GFPT2: variants seen among roughly 807,000 people sequenced by gnomAD.
GFPT2 encodes glutamine--fructose-6-phosphate aminotransferase [isomerizing] 2.
GFPT2 carries 62 observed loss-of-function variants against 85.6 expected under a neutral mutation model. That is an observed-to-expected ratio of 0.72 (90% CI 0.59 to 0.90). The LOEUF (loss-of-function observed/expected upper bound fraction) is 0.90. Among genes scored for constraint, GFPT2 ranks in the 40% least tolerant of loss-of-function variants. GFPT2 has a pLI of 0.00. For missense variants in GFPT2, 788 were observed against 893.4 expected (o/e 0.88, Z 1.50); for synonymous variants, 368 against 344.5 (o/e 1.07, Z -0.75).
intron 1 of GFPT2, among the ~76,000 whole-genome samples, chr5:180,346,198 G>A (rs1316766022): frequency 2.0e-5 from 3 of 152,078 alleles, no homozygotes; most frequent in East Asian, 1.9e-4. Context: ...AGATGGCATC[G>A]GAGGCTCCAC....
Position 180,302,513 on chromosome 5 carries a change from C to A in GFPT2, c.1914G>T (p.Leu638=), listed in dbSNP as rs746637941. The A allele has an allele frequency of 1.2e-6, 2 of 1,613,984 alleles. No individual in the cohort carries two copies. Among genetic ancestry groups the A allele is most frequent in the South Asian group, 2.2e-5 (2 of 91,074 alleles). Residue 638 remains leucine (L), a synonymous_variant, in exon 18 of 19, where the codon CTG becomes CTT. Transcript: ENST00000253778. ...SSKFAYKTIE[L]PHTVDCLQGI... Reference sequence around the variant, plus strand: ...CCTGGAGGCAGTCCACAGTGTGGGGCAGCTCAATTGTCTTATACGCAAACT... The same window carrying A: ...CCTGGAGGCAGTCCACAGTGTGGGGAAGCTCAATTGTCTTATACGCAAACT...
intron 4 of GFPT2, 180 bp from the exon 5 acceptor site, chr5:180,331,733 G>C (rs1764304631): frequency 1.6e-6 from 1 of 633,018 alleles, no homozygotes; most frequent in East Asian, 2.9e-5. Context: ...GTGGAACCAG[G>C]GATTAGCACC....
At chr5:180,302,380 T>A in intron 18 of GFPT2, 43 bp downstream of exon 18, 1 of 1,497,836 alleles carries the variant, frequency 6.7e-7, no homozygotes, top group Non-Finnish European at 9.2e-7. Context: ...ACTCTGGGGT[T>A]ATGTCTCTCC....
chr5:180,342,718 G>A (rs1430759306), intron 1 of GFPT2, among the ~76,000 whole-genome samples: 1 of 152,096 alleles, frequency 6.6e-6, no homozygotes, highest in Non-Finnish European at 1.5e-5. Context: ...TAGCCAACAT[G>A]GTGAAACCCT....
intron 15 of GFPT2, among the ~76,000 whole-genome samples, chr5:180,311,852 A>T (rs779836972): frequency 1.4e-4 from 22 of 152,146 alleles, no homozygotes; most frequent in Admixed American, 3.9e-4. Context: ...TTGGGAGATG[A>T]GAAGCTGTCG....
chr5:180,309,941 G>C (rs1226755641), intron 15 of GFPT2, among the ~76,000 whole-genome samples: 3 of 151,390 alleles, frequency 2.0e-5, no homozygotes, highest in Admixed American at 1.3e-4. Context: ...CCCCCGAGTA[G>C]CTGGGACTAC....
In GFPT2 at chr5:180,304,930, C is replaced by CT; in HGVS notation, c.1683dup (p.Glu562ArgfsTer24). 1 of 1,605,758 alleles carries CT rather than the reference C, an allele frequency of 6.2e-7. No individual in the cohort carries two copies. The highest frequency in any genetic ancestry group is 8.5e-7 in the Non-Finnish European group (1 of 1,172,976). ...CCTTCTGAGTGCATGTAGGTTATCT[C>CT]TTTAATTTTCTGGAAACAGGAGGTG... On this transcript the variant is annotated frameshift_variant, in exon 17 of 19. Coordinates refer to ENST00000253778, the MANE Select transcript of GFPT2 (RefSeq NM_005110.4). LOFTEE classifies it high-confidence loss of function.
In GFPT2 at chr5:180,316,218, C is replaced by T. The variant is rs143752144; in HGVS notation, c.1273+123G>A. 5,721 of 943,284 alleles carry T rather than the reference C, an allele frequency of 6.1e-3. 115 individuals carry two copies. Among genetic ancestry groups the T allele is most frequent in the East Asian group, 0.049 (1,929 of 39,392 alleles). 58.4% of individuals were successfully genotyped at this position (943,284 alleles called of 1,614,324 possible). A position where few individuals can be genotyped will look rare whatever the true frequency, so the allele number is the denominator to read the frequency against. On this transcript the variant is annotated intron_variant, in intron 13 of 18. Coordinates refer to ENST00000253778, the MANE Select transcript of GFPT2 (RefSeq NM_005110.4). Reference sequence around the variant, plus strand: ...TCCATGGCTCTACGGGTTAAATGACCGCTGCAAGAGAGGGTTCGCAGCACA... The same window carrying T: ...TCCATGGCTCTACGGGTTAAATGACTGCTGCAAGAGAGGGTTCGCAGCACA...
intron 12 of GFPT2, 47 bp downstream of exon 12, chr5:180,316,717 G>A (rs762614239): frequency 3.7e-6 from 5 of 1,340,320 alleles, no homozygotes; most frequent in African/African-American, 2.9e-5. Context: ...GCCAGTGTCT[G>A]GTCCTAGACT....
At chr5:180,329,120 C>A (rs544433872) in intron 6 of GFPT2, among the ~76,000 whole-genome samples, 2 of 152,202 alleles carry the variant, frequency 1.3e-5, no homozygotes, top group Non-Finnish European at 2.9e-5. Context: ...GCAACCCTAG[C>A]AGAGCTCAGT....
chr5:180,338,610 G>A lies in GFPT2; in HGVS notation c.8-10C>T, dbSNP rs968639655. On this transcript the variant is annotated splice_polypyrimidine_tract_variant and intron_variant, in intron 1 of 18. Coordinates refer to ENST00000253778, the MANE Select transcript of GFPT2 (RefSeq NM_005110.4). ...ATGTAGGCAAAGATTCCTGTTCAAA[G>A]AGAAAAAAATGGTGCATTCATAAAA... 2 of 1,521,954 alleles carry A rather than the reference G, an allele frequency of 1.3e-6. No individual in the cohort carries two copies. The highest frequency in any genetic ancestry group is 1.1e-5 in the South Asian group (1 of 87,852). 94.3% of individuals were successfully genotyped at this position (1,521,954 alleles called of 1,614,324 possible).
At chr5:180,337,149 G>A (rs1317759154) in intron 2 of GFPT2, among the ~76,000 whole-genome samples, 1 of 152,196 alleles carries the variant, frequency 6.6e-6, no homozygotes, top group African/African-American at 2.4e-5. Context: ...CACTTAGAAA[G>A]CTACTTAGAA....
intron 4 of GFPT2, among the ~76,000 whole-genome samples, chr5:180,332,760 G>A (rs569503436): frequency 1.1e-3 from 172 of 152,110 alleles, no homozygotes; most frequent in Admixed American, 1.3e-3. Flanking sequence ...GGCTGGTCTC[G>A]AACTCCTGAC....
chr5:180,324,507 G>A (rs888552829), intron 8 of GFPT2: 2 of 584,406 alleles, frequency 3.4e-6, no homozygotes, highest in South Asian at 4.4e-5. Flanking sequence ...AGTGTGAGAG[G>A]AATGCAAACA....
chr5:180,352,419 G>A (rs1417618893), intron 1 of GFPT2: 1 of 454,980 alleles, frequency 2.2e-6, no homozygotes. Flanking sequence ...CAGCGGAGGC[G>A]GCCCAGCCAG....
In GFPT2 at chr5:180,327,130, C is replaced by T. The variant is rs146853283; in HGVS notation, c.596+1147G>A. Reference sequence around the variant, plus strand: ...CTGGAAGAGACAGCCTCACCCTCTCCGGCCGTCTCCCAGGCCACAGGTTCA... The same window carrying T: ...CTGGAAGAGACAGCCTCACCCTCTCTGGCCGTCTCCCAGGCCACAGGTTCA... On this transcript the variant is annotated intron_variant, in intron 7 of 18. Transcript: ENST00000253778. Among the ~76,000 whole-genome samples the T allele has an allele frequency of 4.8e-3, 728 of 152,302 alleles. 8 individuals carry two copies. Among genetic ancestry groups the T allele is most frequent in the African/African-American group, 0.017 (708 of 41,546 alleles).
intron 15 of GFPT2, among the ~76,000 whole-genome samples, chr5:180,309,526 T>C (rs1040592872): frequency 6.6e-6 from 1 of 152,118 alleles, no homozygotes; most frequent in Admixed American, 6.5e-5. Context: ...GTTCAAGTGA[T>C]TCTCCTGACT....
intron 10 of GFPT2, among the ~76,000 whole-genome samples, chr5:180,317,758 CA>C (rs11356791): frequency 0.65 from 53,865 of 83,114 alleles, 15,529 homozygotes; most frequent in East Asian, 0.85. Flanking sequence ...GACTCCGTCT[CA>C]AAAAAAAAAA....
intron 1 of GFPT2, among the ~76,000 whole-genome samples, chr5:180,340,129 C>T (rs1441036997): frequency 6.6e-6 from 1 of 151,960 alleles, no homozygotes; most frequent in East Asian, 1.9e-4. Context: ...TCCTCACAGA[C>T]AGTGACTGCT....
Sources: gnomAD v4.1 joint callset for allele counts (sites outside exome capture counted in the v4.1 genomes callset) on GRCh38, gnomAD v4.1.1 for gene constraint, MANE v1.5 for transcripts, NCBI Gene and HGNC (gene_info 2026-07-23, HGNC 2026-07-21) for gene names.